The following LETM1 variants were observed in gnomAD, a reference collection of about 807,000 sequenced individuals.
LETM1 encodes the protein leucine zipper and EF-hand containing transmembrane protein 1.
LETM1 carries 50 observed loss-of-function variants against 74.5 expected under a neutral mutation model. That is an observed-to-expected ratio of 0.67 (90% CI 0.53 to 0.85). The LOEUF (loss-of-function observed/expected upper bound fraction) is 0.85, where lower values mean the gene tolerates loss of function less well. LETM1 is among the 40% of genes least tolerant of loss of function. LETM1 has a pLI of 0.00. For missense variants in LETM1, 824 were observed against 967.8 expected (o/e 0.85, Z 1.97); for synonymous variants, 446 against 407.1 (o/e 1.10, Z -1.15).
chr4:1,849,339 A>G (rs977666591), intron 1 of LETM1, 130 bp from the exon 2 acceptor site: 1 of 654,606 alleles, frequency 1.5e-6, no homozygotes, highest in Non-Finnish European at 2.8e-6. Context: ...ATCTCGGCTC[A>G]CTGCAACCTC....
chr4:1,839,412 C>G (rs953146589), intron 3 of LETM1: 1 of 152,368 alleles, frequency 6.6e-6, no homozygotes, highest in African/African-American at 2.4e-5. Context: ...CAGGAAACAG[C>G]AGTGGAGAGC....
Position 1,822,239 on chromosome 4 carries a change from TC to T in LETM1, c.1549del (p.Asp517ThrfsTer9). The T allele has an allele frequency of 6.5e-7, 1 of 1,547,828 alleles. No individual in the cohort carries two copies. Among genetic ancestry groups the T allele is most frequent in the Non-Finnish European group, 8.8e-7 (1 of 1,140,060 alleles). On this transcript the variant is annotated frameshift_variant, in exon 10 of 14. Coordinates refer to ENST00000302787, the MANE Select transcript of LETM1 (RefSeq NM_012318.3). LOFTEE classifies it high-confidence loss of function. ...PGTEPQPEMP[D>X]TVLQSETLKD... ...CAAGGTCTCTGACTGCAGGACTGTG[TC>T]AGGCATTTCTGGCTGTGGCTCGGTC...
At chr4:1,835,088 A>G in intron 4 of LETM1, 106 bp from the exon 5 acceptor site, 1 of 1,056,284 alleles carries the variant, frequency 9.5e-7, no homozygotes, top group Non-Finnish European at 1.4e-6. Context: ...AACATTTCAC[A>G]ACACACTGAC....
intron 3 of LETM1, 39 bp downstream of exon 3, chr4:1,841,308 G>C: frequency 6.4e-7 from 1 of 1,570,314 alleles, no homozygotes; most frequent in Non-Finnish European, 8.7e-7. Context: ...GGGTGATAGA[G>C]CAAGAAAGAA....
At chr4:1,816,398 C>T (rs567715612) in intron 12 of LETM1, among the ~76,000 whole-genome samples, 31 of 152,044 alleles carry the variant, frequency 2.0e-4, no homozygotes, top group Admixed American at 7.2e-4. Context: ...CATTACTGAG[C>T]GTGGGTGGGG....
intron 1 of LETM1, among the ~76,000 whole-genome samples, chr4:1,851,544 G>A (rs1408421020): frequency 1.3e-5 from 2 of 152,216 alleles, no homozygotes; most frequent in African/African-American, 4.8e-5. Context: ...TGAACTGGGA[G>A]CTGGGTTAAG....
chr4:1,831,536 G>A (rs922432161), intron 6 of LETM1, among the ~76,000 whole-genome samples: 4 of 152,260 alleles, frequency 2.6e-5, no homozygotes, highest in Admixed American at 6.5e-5. Context: ...CCCCAGTGGT[G>A]GGGAAGTGTG....
At chr4:1,841,853 C>T in intron 2 of LETM1, 56 bp from the exon 3 acceptor site, 1 of 1,328,298 alleles carries the variant, frequency 7.5e-7, no homozygotes, top group Non-Finnish European at 1.1e-6. Context: ...CCTTTGACAG[C>T]TCAGCACCGA....
chr4:1,840,358 C>A (rs1013605769), intron 3 of LETM1, among the ~76,000 whole-genome samples: 1 of 151,832 alleles, frequency 6.6e-6, no homozygotes, highest in Non-Finnish European at 1.5e-5. Flanking sequence ...GCCTGGGCAA[C>A]AGAGTGAGAC....
At chr4:1,824,430 C>T (rs972323136) in intron 7 of LETM1, among the ~76,000 whole-genome samples, 1 of 152,184 alleles carries the variant, frequency 6.6e-6, no homozygotes, top group East Asian at 1.9e-4. Context: ...GGCCAGGTTC[C>T]GGGGCTGGCT....
At chr4:1,815,638 C>A (rs1398547812) in intron 13 of LETM1, 26 bp downstream of exon 13, 1 of 1,612,524 alleles carries the variant, frequency 6.2e-7, no homozygotes, top group Non-Finnish European at 8.5e-7. Flanking sequence ...TGGCGGATGG[C>A]CTGCGTGGTC....
intron 1 of LETM1, among the ~76,000 whole-genome samples, chr4:1,850,642 C>CAAAAA (rs1440876610): frequency 2.4e-5 from 2 of 83,084 alleles, no homozygotes; most frequent in African/African-American, 9.6e-5. Context: ...GACTCTGTCT[C>CAAAAA]AGAAAAAAAA....
Position 1,813,230 on chromosome 4 carries a change from A to C in LETM1, c.*1194T>G, listed in dbSNP as rs1477428812. The C allele has an allele frequency of 5.2e-5, 8 of 152,400 alleles. No individual in the cohort carries two copies. The highest frequency in any genetic ancestry group is 1.9e-4 in the African/African-American group (8 of 41,458). The allele number at this position is 152,400 out of a possible 1,614,324, so 9.4% of individuals were successfully genotyped here. A position where few individuals can be genotyped will look rare whatever the true frequency, so the allele number is the denominator to read the frequency against. ...CAAGTAATGGAGAAGGCATTGTCTG[A>C]GTGCAGCTGCTTTCCTGGACGCCTG... On this transcript the variant is annotated 3_prime_UTR_variant, in exon 14 of 14. Coordinates refer to ENST00000302787, the MANE Select transcript of LETM1 (RefSeq NM_012318.3).
At chr4:1,828,078 G>A (rs1712072313) in intron 6 of LETM1, among the ~76,000 whole-genome samples, 1 of 137,480 alleles carries the variant, frequency 7.3e-6, no homozygotes, top group African/African-American at 2.8e-5. Context: ...CGGACGGGGC[G>A]GCTGGCCGGG....
At chr4:1,841,247 A>C (rs1383482197) in intron 3 of LETM1, 100 bp downstream of exon 3, 1 of 1,055,816 alleles carries the variant, frequency 9.5e-7, no homozygotes, top group Non-Finnish European at 1.4e-6. Flanking sequence ...CGGGAGGCTG[A>C]GGCAGGAGGA....
intron 2 of LETM1, among the ~76,000 whole-genome samples, chr4:1,842,711 C>T (rs768993329): frequency 3.9e-5 from 6 of 152,244 alleles, no homozygotes; most frequent in Non-Finnish European, 5.9e-5. Flanking sequence ...CACGCTGCAT[C>T]GGCCCCAGTT....
chr4:1,836,603 C>T lies in LETM1; in HGVS notation c.595-31G>A. 1 of 1,612,214 alleles carries T rather than the reference C, an allele frequency of 6.2e-7. No individual in the cohort carries two copies. Among genetic ancestry groups the T allele is most frequent in the South Asian group, 1.1e-5 (1 of 91,046 alleles). On this transcript the variant is annotated intron_variant, in intron 3 of 13. Coordinates refer to ENST00000302787, the MANE Select transcript of LETM1 (RefSeq NM_012318.3). The surrounding 1 kb of genome is among the most constrained non-coding windows in gnomAD (Gnocchi z 5.8). ...AGGGGCGGAATCCATCAGAGGGGAGCAGAGCACATGTGGGAACAAGGGCAA... is the reference window on the plus strand; with the variant it reads ...AGGGGCGGAATCCATCAGAGGGGAGTAGAGCACATGTGGGAACAAGGGCAA...
Position 1,812,519 on chromosome 4 carries a change from G to A in LETM1, c.*1905C>T, listed in dbSNP as rs1722498562. 1 of 152,270 alleles carries A rather than the reference G, an allele frequency of 6.6e-6. No individual in the cohort carries two copies. Among genetic ancestry groups the A allele is most frequent in the East Asian group, 1.9e-4 (1 of 5,330 alleles). The allele number at this position is 152,270 out of a possible 1,614,324, so 9.4% of individuals were successfully genotyped here. A position where few individuals can be genotyped will look rare whatever the true frequency, so the allele number is the denominator to read the frequency against. Reference sequence around the variant, plus strand: ...ACCGAGGGTCTGGCCCTGGGCAGGTGTAAGAAAGGACTGTTTTAAGAAGCT... The same window carrying A: ...ACCGAGGGTCTGGCCCTGGGCAGGTATAAGAAAGGACTGTTTTAAGAAGCT... On this transcript the variant is annotated 3_prime_UTR_variant, in exon 14 of 14. Coordinates refer to ENST00000302787, the MANE Select transcript of LETM1 (RefSeq NM_012318.3).
At chr4:1,823,812 C>T in intron 7 of LETM1, 37 bp from the exon 8 acceptor site, 2 of 1,579,926 alleles carry the variant, frequency 1.3e-6, no homozygotes, top group Non-Finnish European at 1.7e-6. Flanking sequence ...TGGGCAGCCC[C>T]CCAACCCTGC....
Sources: allele counts gnomAD v4.1 joint callset (sites outside exome capture counted in the v4.1 genomes callset), GRCh38; gene constraint gnomAD v4.1.1; non-coding constraint Gnocchi (gnomAD v3.1); transcripts MANE v1.5; gene names NCBI Gene and HGNC (gene_info 2026-07-23, HGNC 2026-07-21).